The following SNTG1 variants were observed in gnomAD, a reference collection of about 807,000 sequenced individuals.
SNTG1 encodes syntrophin gamma 1.
SNTG1 carries 39 observed loss-of-function variants against 74.7 expected under a neutral mutation model. The observed-to-expected ratio is 0.52, with a 90% CI of 0.40 to 0.68. The LOEUF is 0.68. Among genes scored for constraint, SNTG1 ranks in the 30% least tolerant of loss-of-function variants. SNTG1 has a pLI of 0.00. For missense variants in SNTG1, 685 were observed against 609.5 expected, an observed-to-expected ratio of 1.12 and a Z score of -1.30; for synonymous variants, 254 against 217.1, an observed-to-expected ratio of 1.17 and a Z score of -1.49.
At chr8:50,644,722 A>G (rs2095096179) in intron 13 of SNTG1, among the ~76,000 whole-genome samples, 1 of 152,046 alleles carries the variant, frequency 6.6e-6, no homozygotes, top group Non-Finnish European at 1.5e-5. Context: ...GTCAACTGTA[A>G]TTTCTGAGAT....
At chr8:50,147,382 A>T (rs907858060) in intron 1 of SNTG1, among the ~76,000 whole-genome samples, 3 of 152,246 alleles carry the variant, frequency 2.0e-5, no homozygotes, top group African/African-American at 7.2e-5. Flanking sequence ...TTGACTGGTA[A>T]CTGTAAAGTA....
chr8:50,442,757 C>G lies in SNTG1; in HGVS notation c.219+4158C>G, dbSNP rs1224988461. Among the ~76,000 whole-genome samples the G allele has an allele frequency of 2.7e-5, 4 of 147,268 alleles. No homozygotes were observed. In the South Asian group the frequency reaches 6.8e-4, roughly 25 times the overall value. On this transcript the variant is annotated intron_variant, in intron 5 of 18. Transcript: ENST00000642720. ...CAAAAATTTCAACAAAAAGCCCTAT[C>G]TGGGCTTCCCCCAAAGCTGGACAAA... is the stretch of plus-strand genomic sequence containing the variant.
chr8:50,706,631 T>G (rs1439773963), intron 16 of SNTG1, among the ~76,000 whole-genome samples: 1 of 152,172 alleles, frequency 6.6e-6, no homozygotes, highest in East Asian at 1.9e-4. Context: ...CAGTGTAAGA[T>G]AAACATCAGA....
rs533607412 is a variant in SNTG1 at position 49,953,527 on chromosome 8, A to C, written c.-103+41296A>C. Among the ~76,000 whole-genome samples, 4 of 152,346 alleles carry C rather than the reference A, an allele frequency of 2.6e-5. No individual in the cohort carries two copies. The East Asian group carries it at 7.7e-4, about 29-fold the overall frequency. Reference sequence around the variant, plus strand: ...TGGGGAGTCATCTGAAGATGCCCACAGAAGGTGCCTGGCACAGAGAGTAAA... The same window carrying C: ...TGGGGAGTCATCTGAAGATGCCCACCGAAGGTGCCTGGCACAGAGAGTAAA... On this transcript the variant is annotated intron_variant, in intron 1 of 18. Coordinates refer to ENST00000642720, the MANE Select transcript of SNTG1 (RefSeq NM_018967.5).
intron 1 of SNTG1, among the ~76,000 whole-genome samples, chr8:49,962,223 G>A (rs1340098569): frequency 6.6e-6 from 1 of 151,972 alleles, no homozygotes; most frequent in Non-Finnish European, 1.5e-5. Context: ...TAGTTGGAAT[G>A]TGAGGTCAGC....
intron 1 of SNTG1, among the ~76,000 whole-genome samples, chr8:49,945,403 C>T (rs1468919720): frequency 6.6e-6 from 1 of 152,116 alleles, no homozygotes; most frequent in African/African-American, 2.4e-5. Context: ...TAGTGTGGTC[C>T]ATCGTAGGGC....
chr8:50,297,168 G>T (rs978900949), intron 2 of SNTG1, among the ~76,000 whole-genome samples: 1 of 152,148 alleles, frequency 6.6e-6, no homozygotes, highest in Non-Finnish European at 1.5e-5. Context: ...ATGACAGTAT[G>T]GTTGTCCTCC....
At chr8:50,021,720 AT>A (rs1816833584) in intron 1 of SNTG1, among the ~76,000 whole-genome samples, 1 of 152,036 alleles carries the variant, frequency 6.6e-6, no homozygotes, top group African/African-American at 2.4e-5. Flanking sequence ...GGATCACTTG[AT>A]CCCCAAGAGT....
intron 2 of SNTG1, among the ~76,000 whole-genome samples, chr8:50,292,694 A>G (rs17769988): frequency 0.47 from 71,421 of 151,964 alleles, 19,351 homozygotes; most frequent in East Asian, 0.83. Context: ...TGAGATGAAG[A>G]TGACCAGGGC....
chr8:50,460,649 G>A (rs977124323), intron 8 of SNTG1, among the ~76,000 whole-genome samples: 3 of 152,126 alleles, frequency 2.0e-5, no homozygotes, highest in Non-Finnish European at 2.9e-5. Flanking sequence ...TACATCTTGA[G>A]TTAATTTTTG....
chr8:50,527,717 G>T (rs2094233276), intron 9 of SNTG1, among the ~76,000 whole-genome samples: 1 of 151,810 alleles, frequency 6.6e-6, no homozygotes, highest in Non-Finnish European at 1.5e-5. Context: ...TACATCTATT[G>T]TATTGCTGCA....
At chr8:50,338,900 C>T (rs533738728) in intron 2 of SNTG1, among the ~76,000 whole-genome samples, 4 of 152,124 alleles carry the variant, frequency 2.6e-5, no homozygotes, top group Admixed American at 2.6e-4. Flanking sequence ...TTTTCCAAAA[C>T]TAATGACAGG....
intron 18 of SNTG1, among the ~76,000 whole-genome samples, chr8:50,776,347 A>C (rs1047013888): frequency 2.0e-5 from 3 of 149,094 alleles, no homozygotes; most frequent in Admixed American, 6.7e-5. Context: ...TAGGTGTAGA[A>C]ACCTTAACAT....
At chr8:50,724,787 A>G (rs979071833) in intron 17 of SNTG1, among the ~76,000 whole-genome samples, 1 of 152,216 alleles carries the variant, frequency 6.6e-6, no homozygotes, top group African/African-American at 2.4e-5. Flanking sequence ...TATTCATATT[A>G]TCAGTGTATA....
At chr8:50,014,833 A>G (rs1199407092) in intron 1 of SNTG1, among the ~76,000 whole-genome samples, 1 of 152,136 alleles carries the variant, frequency 6.6e-6, no homozygotes, top group Non-Finnish European at 1.5e-5. Context: ...ACAGCAGGAA[A>G]TACGTAATCT....
chr8:49,952,838 C>G (rs928416185), intron 1 of SNTG1, among the ~76,000 whole-genome samples: 3 of 152,108 alleles, frequency 2.0e-5, no homozygotes, highest in African/African-American at 4.8e-5. Flanking sequence ...CCAAGGTGGA[C>G]CTTCTAGATG....
rs915604479 is a variant in SNTG1, at chr8:50,791,372, C to T, written c.1396-1299C>T. Among the ~76,000 whole-genome samples, 4 of 151,740 alleles carry T rather than the reference C, an allele frequency of 2.6e-5. No homozygotes were observed. In the South Asian group the frequency reaches 6.2e-4, roughly 24 times the overall value. On this transcript the variant is annotated intron_variant, in intron 18 of 18. Transcript: ENST00000642720. The stretch of plus-strand genomic sequence containing the variant: ...CTCTTCTATTCTCTAGGACAAGTTG[C>T]TATTTCACAAAGGAAACTATCAAAT...
At chr8:50,138,508 C>T (rs934299322) in intron 1 of SNTG1, among the ~76,000 whole-genome samples, 1 of 151,560 alleles carries the variant, frequency 6.6e-6, no homozygotes, top group African/African-American at 2.4e-5. Flanking sequence ...CCCTGTAATC[C>T]CAGCTACTCA....
chr8:50,687,941 C>T (rs376107501), intron 15 of SNTG1, among the ~76,000 whole-genome samples: 8 of 152,224 alleles, frequency 5.3e-5, no homozygotes, highest in South Asian at 2.1e-4. Context: ...TTTTAATGAT[C>T]GCCATTCTCA....
Sources: gnomAD v4.1 joint callset for allele counts (sites outside exome capture counted in the v4.1 genomes callset) on GRCh38, gnomAD v4.1.1 for gene constraint, MANE v1.5 for transcripts, NCBI Gene and HGNC (gene_info 2026-07-23, HGNC 2026-07-21) for gene names.